CCDC57: variants seen among roughly 807,000 people sequenced by gnomAD.
CCDC57 encodes coiled-coil domain containing 57.
In CCDC57, 118 loss-of-function variants were observed where a neutral mutation model predicts 118.9. The observed-to-expected ratio is 0.99, with a 90% CI of 0.86 to 1.16. CCDC57 has a LOEUF of 1.16. Ranked by LOEUF, CCDC57 falls within the 50% of genes most tolerant of loss-of-function variation. The probability of loss-of-function intolerance (pLI) is 0.00; values close to 1 mark genes in which losing one functional copy is unlikely to be tolerated. For missense variants in CCDC57, 1,300 were observed against 1,320.7 expected (o/e 0.98, Z 0.24); for synonymous variants, 527 against 532.9 (o/e 0.99, Z 0.15).
At chr17:82,203,597 A>C (rs1403306033) in intron 2 of CCDC57, among the ~76,000 whole-genome samples, 1 of 152,226 alleles carries the variant, frequency 6.6e-6, no homozygotes, top group Non-Finnish European at 1.5e-5. Flanking sequence ...TGGGTCATTC[A>C]AACTCAGGAG....
intron 18 of CCDC57, among the ~76,000 whole-genome samples, chr17:82,128,189 G>A (rs533088981): frequency 2.0e-5 from 3 of 152,264 alleles, no homozygotes; most frequent in South Asian, 2.1e-4. Flanking sequence ...AGGCTGTTTC[G>A]TTTCGATGGG....
At chr17:82,102,469 C>T (rs930858023) in intron 19 of CCDC57, among the ~76,000 whole-genome samples, 4 of 152,258 alleles carry the variant, frequency 2.6e-5, no homozygotes, top group African/African-American at 9.6e-5. Context: ...CTAAAACCAT[C>T]TTCGCAGAGG....
At chr17:82,128,497 G>C (rs759074509) in exon 18 of CCDC57, 2 of 1,555,326 alleles carry the variant, frequency 1.3e-6, no homozygotes, top group South Asian at 1.2e-5. Context: ...TCTCACCTTC[G>C]GGCCTTGCAG....
chr17:82,117,809 A>C (rs888173200), intron 19 of CCDC57, among the ~76,000 whole-genome samples: 3 of 152,144 alleles, frequency 2.0e-5, no homozygotes, highest in African/African-American at 7.2e-5. Flanking sequence ...AAGGTGCCTC[A>C]CGCCTGCAAC....
chr17:82,193,837 A>T lies in CCDC57; in HGVS notation c.777-7T>A, dbSNP rs763905839. The T allele has an allele frequency of 6.3e-7, 1 of 1,588,292 alleles. No homozygotes were observed. The highest frequency in any genetic ancestry group is 2.3e-5 in the East Asian group (1 of 44,180). ...ATCCTCTAAATCCTTTACCCTGAAAAGAAACAAATATTTATGGAAGGAGCA... is the reference window on the plus strand; with the variant it reads ...ATCCTCTAAATCCTTTACCCTGAAATGAAACAAATATTTATGGAAGGAGCA... On this transcript the variant is annotated splice_polypyrimidine_tract_variant and splice_region_variant and intron_variant, in intron 6 of 19. Coordinates refer to ENST00000665763, the Ensembl canonical transcript of CCDC57.
intron 9 of CCDC57, among the ~76,000 whole-genome samples, chr17:82,179,857 G>A (rs1294751724): frequency 6.6e-6 from 1 of 152,200 alleles, no homozygotes; most frequent in African/African-American, 2.4e-5. Flanking sequence ...TATGAAGGAC[G>A]AAAGAAGAGT....
chr17:82,104,625 G>A (rs1305174308), intron 19 of CCDC57, among the ~76,000 whole-genome samples: 2 of 152,176 alleles, frequency 1.3e-5, no homozygotes, highest in East Asian at 1.9e-4. Context: ...TGCAAGCTCC[G>A]CCTCCCGGGT....
intron 16 of CCDC57, among the ~76,000 whole-genome samples, chr17:82,148,343 GGATA>G (rs140695394): frequency 3.8e-5 from 1 of 26,486 alleles, no homozygotes. Flanking sequence ...ATGGATGGAT[GGATA>G]GGTGGGTGGA....
At chr17:82,134,557 G>A (rs2038888623) in intron 16 of CCDC57, among the ~76,000 whole-genome samples, 2 of 152,266 alleles carry the variant, frequency 1.3e-5, no homozygotes, top group Non-Finnish European at 2.9e-5. Flanking sequence ...ACTTTGGGAG[G>A]CTGAGGCAGG....
chr17:82,102,976 G>T (rs1025163556), intron 19 of CCDC57, among the ~76,000 whole-genome samples: 14 of 152,206 alleles, frequency 9.2e-5, no homozygotes, highest in Non-Finnish European at 1.2e-4. Context: ...AGGTCTAGAG[G>T]ACTCCAGCAC....
chr17:82,120,171 A>T (rs1056800889), intron 19 of CCDC57, among the ~76,000 whole-genome samples: 116 of 131,682 alleles, frequency 8.8e-4, no homozygotes, highest in African/African-American at 2.2e-3. Flanking sequence ...TATTATTATT[A>T]TTATTTTTTT....
Position 82,198,298 on chromosome 17 carries a change from G to A in CCDC57, c.516+16C>T, listed in dbSNP as rs377266518. On this transcript the variant is annotated intron_variant, in intron 4 of 19. Transcript: ENST00000665763. ...CAGGGAAAGCACCCAGGAAGGGGCC[G>A]ACCCAGAGGCTCTACCTGTCTCTGC... 75 of 1,552,732 alleles carry A rather than the reference G, an allele frequency of 4.8e-5. No homozygotes were observed. The highest frequency in any genetic ancestry group is 5.9e-5 in the Non-Finnish European group (67 of 1,128,186).
intron 19 of CCDC57, chr17:82,126,873 G>A (rs996655199): frequency 2.0e-6 from 2 of 985,396 alleles, no homozygotes; most frequent in Non-Finnish European, 2.4e-6. Context: ...ACACCCTCAT[G>A]ACGGAAGACA....
At chr17:82,148,091 TGG>T (rs1424680159) in intron 16 of CCDC57, among the ~76,000 whole-genome samples, 13 of 110,404 alleles carry the variant, frequency 1.2e-4, no homozygotes, top group African/African-American at 1.4e-4. Context: ...GGTGGATGGA[TGG>T]ATGGGTGGGT....
At chr17:82,164,319 G>A (rs186607100) in intron 13 of CCDC57, among the ~76,000 whole-genome samples, 1 of 151,982 alleles carries the variant, frequency 6.6e-6, no homozygotes, top group East Asian at 1.9e-4. Context: ...AGGCGGAGGT[G>A]GCAGTGAGCC....
At chr17:82,125,737 G>T (rs963356389) in intron 19 of CCDC57, among the ~76,000 whole-genome samples, 1 of 152,082 alleles carries the variant, frequency 6.6e-6, no homozygotes, top group Non-Finnish European at 1.5e-5. Flanking sequence ...AAATAACCAA[G>T]AAAACCCTGA....
Position 82,202,369 on chromosome 17 carries a change from G to A in CCDC57, c.-8-417C>T, listed in dbSNP as rs1416426933. 7.9e-5 allele frequency among the ~76,000 whole-genome samples: 12 copies of A among 151,996 alleles called. No homozygotes were observed. The East Asian group carries it at 2.1e-3, about 27-fold the overall frequency. On this transcript the variant is annotated intron_variant, in intron 2 of 19. Coordinates refer to ENST00000665763, the Ensembl canonical transcript of CCDC57. ...TGTAGTCCCAGCTACTCGGGAGGCT[G>A]AGGCAGGAGAATCGCTTGAACCCAG...
In CCDC57 at chr17:82,179,201, T is replaced by C; in HGVS notation, c.1212-12A>G. On this transcript the variant is annotated splice_polypyrimidine_tract_variant and intron_variant, in intron 9 of 19. Coordinates refer to ENST00000665763, the Ensembl canonical transcript of CCDC57. ...GCTGTTGCTTGTACCTAAGGACACGTCCAACCGCTCAGCATTAATGCTTCC... is the reference window on the plus strand; with the variant it reads ...GCTGTTGCTTGTACCTAAGGACACGCCCAACCGCTCAGCATTAATGCTTCC... 6.2e-7 allele frequency: 1 copy of C among 1,610,176 alleles called. No homozygotes were observed. Among genetic ancestry groups the C allele is most frequent in the East Asian group, 2.2e-5 (1 of 44,876 alleles).
chr17:82,163,080 G>A, intron 14 of CCDC57, 120 bp downstream of exon 13: 3 of 1,234,136 alleles, frequency 2.4e-6, no homozygotes, highest in Non-Finnish European at 3.5e-6. Flanking sequence ...AACAGGCAGA[G>A]AGAGGTCAGT....
Sources: allele counts gnomAD v4.1 joint callset (sites outside exome capture counted in the v4.1 genomes callset), GRCh38; gene constraint gnomAD v4.1.1; transcripts MANE v1.5; gene names NCBI Gene and HGNC (gene_info 2026-07-23, HGNC 2026-07-21).